The following SCAF8 variants were observed in gnomAD, a reference collection of about 807,000 sequenced individuals.
SCAF8 encodes the protein SR-related and CTD-associated factor 8.
A neutral mutation model predicts 140.5 loss-of-function variants in SCAF8; 23 were observed. The observed-to-expected ratio is 0.16, with a 90% CI of 0.12 to 0.23. The LOEUF (loss-of-function observed/expected upper bound fraction) is 0.23, where lower values mean the gene tolerates loss of function less well. SCAF8 is among the 10% of genes least tolerant of loss of function. The probability of loss-of-function intolerance (pLI) is 1.00; values close to 1 mark genes in which losing one functional copy is unlikely to be tolerated. For missense variants in SCAF8, 1,397 were observed against 1,555.7 expected (o/e 0.90, Z 1.72); for synonymous variants, 575 against 528.9 (o/e 1.09, Z -1.20).
intron 16 of SCAF8, 34 bp from the exon 17 acceptor site, chr6:154,824,200 C>T (rs772308038): frequency 6.2e-7 from 1 of 1,608,028 alleles, no homozygotes; most frequent in Non-Finnish European, 8.5e-7. Flanking sequence ...GGTGAATAAA[C>T]TGATGAGTGA....
chr6:154,799,793 A>G (rs907588489), intron 6 of SCAF8, among the ~76,000 whole-genome samples: 14 of 150,178 alleles, frequency 9.3e-5, no homozygotes, highest in Admixed American at 2.6e-4. Context: ...TTATTTATTT[A>G]TTTATTTAGA....
At chr6:154,827,054 A>T (rs1778587135) in intron 17 of SCAF8, 118 bp from the exon 18 acceptor site, 1 of 764,656 alleles carries the variant, frequency 1.3e-6, no homozygotes, top group Non-Finnish European at 2.1e-6. Flanking sequence ...AATATATATA[A>T]ATATGAGGTT....
intron 9 of SCAF8, among the ~76,000 whole-genome samples, chr6:154,806,492 G>C (rs1466952118): frequency 1.3e-5 from 2 of 152,186 alleles, no homozygotes; most frequent in Non-Finnish European, 2.9e-5. Flanking sequence ...ACAGAAATGA[G>C]GTTGTGGCAT....
intron 17 of SCAF8, among the ~76,000 whole-genome samples, chr6:154,825,728 A>G (rs1208326187): frequency 6.6e-6 from 1 of 150,748 alleles, no homozygotes; most frequent in Non-Finnish European, 1.5e-5. Context: ...ATGGAGAGAT[A>G]CTTGTGAACT....
intron 14 of SCAF8, among the ~76,000 whole-genome samples, chr6:154,819,746 G>A (rs2114672078): frequency 6.6e-6 from 1 of 152,276 alleles, no homozygotes; most frequent in Non-Finnish European, 1.5e-5. Flanking sequence ...TCTAATGTAA[G>A]TTTTATTTTA....
In SCAF8 at chr6:154,741,670, G is replaced by A. The variant is rs139626529; in HGVS notation, c.30+7740G>A. On this transcript the variant is annotated intron_variant, in intron 1 of 19. Transcript: ENST00000367178. ...GATCCGCCCGCCTCGGCCTCCCAAA[G>A]TGCTGGGATTACAGGTGTGAGCCAC... 9.4e-3 allele frequency among the ~76,000 whole-genome samples: 1,436 copies of A among 152,250 alleles called. 25 individuals carry two copies. Among genetic ancestry groups the A allele is most frequent in the African/African-American group, 0.033 (1,363 of 41,532 alleles).
At chr6:154,823,510 T>G (rs768995939) in intron 16 of SCAF8, among the ~76,000 whole-genome samples, 11 of 152,094 alleles carry the variant, frequency 7.2e-5, no homozygotes, top group East Asian at 5.8e-4. Flanking sequence ...TTTGAAGGTG[T>G]TGTAGCCAAC....
At chr6:154,791,589 T>C (rs192936581) in intron 4 of SCAF8, among the ~76,000 whole-genome samples, 207 of 152,262 alleles carry the variant, frequency 1.4e-3, no homozygotes, top group African/African-American at 4.8e-3. Flanking sequence ...GACCCGAGAA[T>C]CCTTCTGGTA....
chr6:154,819,434 C>T (rs1393188721), intron 14 of SCAF8, among the ~76,000 whole-genome samples: 1 of 151,644 alleles, frequency 6.6e-6, no homozygotes, highest in African/African-American at 2.4e-5. Flanking sequence ...TACAAAACAA[C>T]TTAAAAATTA....
At chr6:154,772,140 A>G (rs1373755039) in intron 1 of SCAF8, among the ~76,000 whole-genome samples, 5 of 152,102 alleles carry the variant, frequency 3.3e-5, no homozygotes, top group Non-Finnish European at 7.3e-5. Context: ...AAGCTATGCA[A>G]GATTCCCTAA....
At chr6:154,756,151 C>T (rs1187600683) in intron 1 of SCAF8, among the ~76,000 whole-genome samples, 1 of 152,148 alleles carries the variant, frequency 6.6e-6, no homozygotes, top group Non-Finnish European at 1.5e-5. Context: ...AGTTTGAGGT[C>T]CTAAATACCA....
At chr6:154,790,371 G>T (rs1328406487) in intron 4 of SCAF8, among the ~76,000 whole-genome samples, 1 of 151,658 alleles carries the variant, frequency 6.6e-6, no homozygotes, top group Non-Finnish European at 1.5e-5. Flanking sequence ...GCACATTAAT[G>T]TAGTTTGGAC....
At position 154,833,740 on chromosome 6, in the gene SCAF8, T is replaced by C. The variant is rs774880748; in HGVS notation, c.*345T>C. The C allele has an allele frequency of 2.7e-5, 5 of 188,338 alleles. No individual in the cohort carries two copies. Among genetic ancestry groups the C allele is most frequent in the Non-Finnish European group, 5.5e-5 (5 of 90,974 alleles). 11.7% of individuals were successfully genotyped at this position (188,338 alleles called of 1,614,324 possible). Reference sequence around the variant, plus strand: ...ATTAGGTTGGATATGGTAATAGATATATTTCAGAATAGCAAGTGGTGGTAT... The same window carrying C: ...ATTAGGTTGGATATGGTAATAGATACATTTCAGAATAGCAAGTGGTGGTAT... On this transcript the variant is annotated 3_prime_UTR_variant, in exon 20 of 20. Transcript: ENST00000367178.
chr6:154,826,056 G>A (rs1025347387), intron 17 of SCAF8, among the ~76,000 whole-genome samples: 3 of 152,010 alleles, frequency 2.0e-5, no homozygotes, highest in Non-Finnish European at 4.4e-5. Flanking sequence ...TTAGATGTTG[G>A]GTAGAGTTTT....
At chr6:154,799,166 C>T (rs1342819746) in intron 6 of SCAF8, among the ~76,000 whole-genome samples, 6 of 150,658 alleles carry the variant, frequency 4.0e-5, no homozygotes, top group Non-Finnish European at 3.0e-5. Flanking sequence ...TTAGTAGATA[C>T]GGGGTTTCAC....
intron 8 of SCAF8, among the ~76,000 whole-genome samples, chr6:154,804,031 T>G (rs1384001442): frequency 1.3e-5 from 2 of 151,954 alleles, no homozygotes; most frequent in Non-Finnish European, 2.9e-5. Flanking sequence ...ATTGGAGTTA[T>G]GAGGATTTTT....
At chr6:154,741,859 C>T in intron 1 of SCAF8, 1 of 750,348 alleles carries the variant, frequency 1.3e-6, no homozygotes, top group Non-Finnish European at 2.3e-6. Context: ...TGTAATCAAC[C>T]TTGACCTTGA....
At chr6:154,827,356 T>C (rs1254580242) in intron 18 of SCAF8, 116 bp downstream of exon 18, 21 of 691,186 alleles carry the variant, frequency 3.0e-5, no homozygotes, top group Non-Finnish European at 4.6e-5. Context: ...TTAAGACAAA[T>C]GCATGTTAGA....
intron 6 of SCAF8, among the ~76,000 whole-genome samples, chr6:154,796,765 G>C (rs1387908907): frequency 1.3e-5 from 2 of 152,110 alleles, no homozygotes; most frequent in Non-Finnish European, 2.9e-5. Context: ...TTGAGGCCAG[G>C]AGTTGAAGAC....
Sources: gnomAD v4.1 joint callset for allele counts (sites outside exome capture counted in the v4.1 genomes callset) on GRCh38, gnomAD v4.1.1 for gene constraint, MANE v1.5 for transcripts, NCBI Gene and HGNC (gene_info 2026-07-23, HGNC 2026-07-21) for gene names.